Variants in PSD2 observed in about 807,000 individuals in gnomAD.
PSD2 encodes PH and SEC7 domain-containing protein 2.
PSD2 carries 38 observed loss-of-function variants against 69.8 expected under a neutral mutation model. The observed-to-expected ratio is 0.54, with a 90% CI of 0.42 to 0.71. PSD2 has a LOEUF of 0.71. Ranked by LOEUF, PSD2 falls within the 30% of genes least tolerant of loss-of-function variation. The pLI is 0.00. For synonymous variants in PSD2, 412 were observed against 423.0 expected (o/e 0.97, Z 0.32); for missense variants, 943 against 1,014.5 (o/e 0.93, Z 0.96).
At chr5:139,746,615 C>T in the PSD2 span, among the ~76,000 whole-genome samples, 1 of 152,178 alleles carries the variant, frequency 6.6e-6, no homozygotes, top group Admixed American at 6.5e-5. This position sits in a 1 kb window ranked among gnomAD's most constrained non-coding sequence, Gnocchi z 4.5. Context: ...CGCCACAGAA[C>T]GGGCTGCAGG....
At chr5:139,830,557 C>CTTTCTTTCTTT (rs1561605159) in intron 7 of PSD2, among the ~76,000 whole-genome samples, 21 of 133,046 alleles carry the variant, frequency 1.6e-4, no homozygotes, top group Middle Eastern at 3.5e-3. Flanking sequence ...TTCCTTCCTT[C>CTTTCTTTCTTT]CTTCCTTCCT....
chr5:139,822,046 C>A, intron 6 of PSD2, 41 bp downstream of exon 6: 2 of 1,328,294 alleles, frequency 1.5e-6, no homozygotes, highest in Non-Finnish European at 2.1e-6. Flanking sequence ...TCCCCACCCA[C>A]TCAGCCAGGC....
chr5:139,822,218 C>T (rs912028885), intron 6 of PSD2, among the ~76,000 whole-genome samples: 2 of 152,250 alleles, frequency 1.3e-5, no homozygotes, highest in Admixed American at 6.5e-5. Context: ...GCCTGTTCTC[C>T]TCCCCACTGC....
At chr5:139,760,316 A>G in the PSD2 span, among the ~76,000 whole-genome samples, 2 of 152,142 alleles carry the variant, frequency 1.3e-5, no homozygotes, top group African/African-American at 4.8e-5. Context: ...GCCTTTACCT[A>G]TAATTGGATT....
chr5:139,764,994 G>T, the PSD2 span, among the ~76,000 whole-genome samples: 1 of 152,064 alleles, frequency 6.6e-6, no homozygotes, highest in Non-Finnish European at 1.5e-5. Flanking sequence ...TGACCCCAGT[G>T]ACTTCCATGA....
chr5:139,775,177 A>C, the PSD2 span: 71,650 of 152,240 alleles, frequency 0.47, 18,009 homozygotes, highest in Admixed American at 0.61. Flanking sequence ...CAAGGCCTTG[A>C]GGCACTGAGG....
chr5:139,766,022 C>T, the PSD2 span, among the ~76,000 whole-genome samples: 1 of 152,134 alleles, frequency 6.6e-6, no homozygotes, highest in Non-Finnish European at 1.5e-5. Flanking sequence ...GACGGCAAGC[C>T]AGGCCCCTCT....
chr5:139,754,478 AG>A, the PSD2 span, among the ~76,000 whole-genome samples: 1 of 151,496 alleles, frequency 6.6e-6, no homozygotes, highest in Non-Finnish European at 1.5e-5. Context: ...AGATCGCTTG[AG>A]CTCAGGAGTT....
the PSD2 span, among the ~76,000 whole-genome samples, chr5:139,787,386 G>T: frequency 6.6e-6 from 1 of 152,174 alleles, no homozygotes; most frequent in Admixed American, 6.5e-5. Flanking sequence ...CTTACTAGGG[G>T]TGCTCTGGGG....
At chr5:139,805,020 C>T (rs570815087) in intron 1 of PSD2, among the ~76,000 whole-genome samples, 55 of 150,322 alleles carry the variant, frequency 3.7e-4, no homozygotes, top group South Asian at 2.1e-3. Flanking sequence ...TGAGTGTGTG[C>T]GTGTGTGTGT....
Position 139,813,681 on chromosome 5 carries a change from T to A in PSD2, c.744T>A (p.His248Gln), listed in dbSNP as rs768831969. 3.3e-5 allele frequency: 54 copies of A among 1,613,608 alleles called. No homozygotes were observed. The highest frequency in any genetic ancestry group is 1.0e-4 in the Admixed American group (6 of 59,980). Residue 248 changes from histidine (H) to glutamine (Q), a missense_variant, in exon 3 of 15, where the codon CAT becomes CAA. This residue lies in a region of PSD2 where 466 missense variants were observed against 445.0 expected (regional missense o/e 1.05). Transcript: ENST00000274710. Reference protein sequence around the residue: ...LSLMAMPNGFHEDGPQGPGGD... With the variant: ...LSLMAMPNGFQEDGPQGPGGD... ...TCATGGCCATGCCCAATGGATTCCA[T>A]GAAGATGGCCCTCAGGGCCCAGGGG...
At chr5:139,762,821 G>A in the PSD2 span, among the ~76,000 whole-genome samples, 1 of 152,154 alleles carries the variant, frequency 6.6e-6, no homozygotes, top group African/African-American at 2.4e-5. Context: ...CTGGGGAGGT[G>A]GTGGGGCTGT....
chr5:139,779,726 A>C, the PSD2 span, among the ~76,000 whole-genome samples: 2 of 152,100 alleles, frequency 1.3e-5, no homozygotes, highest in African/African-American at 4.8e-5. Context: ...ATTTCTTTCC[A>C]CCATAGCTTA....
At chr5:139,795,456 C>G (rs2126917687), upstream of PSD2, among the ~76,000 whole-genome samples, 1 of 152,278 alleles carries the variant, frequency 6.6e-6, no homozygotes, top group Non-Finnish European at 1.5e-5. The surrounding 1 kb of genome is among the most constrained non-coding windows in gnomAD (Gnocchi z 4.5). Context: ...AGCTCAGGTT[C>G]TAGACCGGTG....
chr5:139,769,115 A>C, the PSD2 span, among the ~76,000 whole-genome samples: 2 of 152,040 alleles, frequency 1.3e-5, no homozygotes, highest in African/African-American at 4.8e-5. Flanking sequence ...GTTGGGGAAG[A>C]CTTCCTGAAG....
chr5:139,807,582 C>CT lies in PSD2; in HGVS notation c.-50-1800dup, dbSNP rs539620684. Among the ~76,000 whole-genome samples the CT allele has an allele frequency of 3.8e-3, 573 of 151,416 alleles. 4 individuals carry two copies. The highest frequency in any genetic ancestry group is 9.9e-3 in the East Asian group (51 of 5,166). On this transcript the variant is annotated intron_variant, in intron 1 of 14. Coordinates refer to ENST00000274710, the MANE Select transcript of PSD2 (RefSeq NM_032289.4). ...CTTTTGAGATGTTTAAGTCTGTGGG[C>CT]TTTTTTTTTAAAGTAAAAGTCTCCC...
the PSD2 span, among the ~76,000 whole-genome samples, chr5:139,766,928 C>CTTT: frequency 0.015 from 457 of 31,234 alleles, 39 homozygotes; most frequent in South Asian, 0.029. Flanking sequence ...TTCCTTCCTT[C>CTTT]CCTTCTTTCT....
chr5:139,813,397 C>G lies in PSD2; in HGVS notation c.460C>G (p.Gln154Glu). Reference sequence around the variant, plus strand: ...GGAGTCAGAGCTGCTGCGGGGCACCCAGTACAGCAGCCTCGACTCCCTAGA... The same window carrying G: ...GGAGTCAGAGCTGCTGCGGGGCACCGAGTACAGCAGCCTCGACTCCCTAGA... ...ILESELLRGT[Q>E]YSSLDSLDGL... is the part of the protein sequence containing the mutation. The change falls in exon 3 of 15, where the codon CAG becomes GAG. Residue 154 changes from glutamine to glutamate, a missense_variant. Transcript: ENST00000274710. The G allele has an allele frequency of 6.2e-7, 1 of 1,612,714 alleles. No individual in the cohort carries two copies. Among genetic ancestry groups the G allele is most frequent in the Non-Finnish European group, 8.5e-7 (1 of 1,178,866 alleles).
chr5:139,800,107 A>G (rs1198034070), intron 1 of PSD2, among the ~76,000 whole-genome samples: 2 of 152,232 alleles, frequency 1.3e-5, no homozygotes, highest in African/African-American at 4.8e-5. Flanking sequence ...GGGCTAGGCC[A>G]GCTCAGATGG....
Sources: gnomAD v4.1 joint callset for allele counts (sites outside exome capture counted in the v4.1 genomes callset) on GRCh38, gnomAD v4.1.1 for gene constraint, gnomAD v4.1.1 regional missense constraint, Gnocchi (gnomAD v3.1) non-coding constraint, MANE v1.5 for transcripts, NCBI Gene and HGNC (gene_info 2026-07-23, HGNC 2026-07-21) for gene names.